MFSD12: variants seen among roughly 807,000 people sequenced by gnomAD.
The protein encoded by MFSD12 is major facilitator superfamily domain containing 12, also known as major facilitator superfamily domain-containing protein 12.
In MFSD12, 67 loss-of-function variants were observed where a neutral mutation model predicts 51.2. The observed-to-expected ratio is 1.31, with a 90% CI of 1.08 to 1.60. The LOEUF is 1.60. MFSD12 is among the 40% of genes most tolerant of loss of function. MFSD12 has a pLI of 0.00. For missense variants in MFSD12, 921 were observed against 673.0 expected, an observed-to-expected ratio of 1.37 and a Z score of -4.08; for synonymous variants, 441 against 316.7, an observed-to-expected ratio of 1.39 and a Z score of -4.17.
chr19:3,540,655 G>A (rs1343555316), downstream of MFSD12, among the ~76,000 whole-genome samples: 2 of 151,314 alleles, frequency 1.3e-5, no homozygotes, highest in South Asian at 2.1e-4. Context: ...CGAGGCAGGC[G>A]GATCACCTGA....
chr19:3,549,744 C>G (rs1481113191), intron 2 of MFSD12, among the ~76,000 whole-genome samples: 2 of 138,930 alleles, frequency 1.4e-5, no homozygotes, highest in African/African-American at 2.7e-5. Flanking sequence ...AAAAAAAAAG[C>G]CAGGCACAGT....
Position 3,547,548 on chromosome 19 carries a change from C to G in MFSD12, c.838-1G>C. The stretch of plus-strand genomic sequence containing the variant: ...TGGTGGTCATGTACAGTATGCCCAC[C>G]TGTGGGCAGACCGACAGAGGGACTG... On this transcript the variant is annotated splice_acceptor_variant, in intron 4 of 9. Transcript: ENST00000355415. LOFTEE classifies it high-confidence loss of function. 3 of 1,607,228 alleles carry G rather than the reference C, an allele frequency of 1.9e-6. No individual in the cohort carries two copies. The highest frequency in any genetic ancestry group is 2.5e-6 in the Non-Finnish European group (3 of 1,176,614).
chr19:3,556,843 CACAG>C (rs1040185736), intron 1 of MFSD12, among the ~76,000 whole-genome samples: 9 of 143,648 alleles, frequency 6.3e-5, no homozygotes, highest in South Asian at 2.3e-4. Context: ...AGGCCATGGG[CACAG>C]ACAGACAGAC....
Position 3,544,844 on chromosome 19 carries a change from C to T in MFSD12, c.1385G>A (p.Cys462Tyr), listed in dbSNP as rs771598438. 2 of 1,612,504 alleles carry T rather than the reference C, an allele frequency of 1.2e-6. No homozygotes were observed. Among genetic ancestry groups the T allele is most frequent in the Admixed American group, 1.7e-5 (1 of 59,976 alleles). ...GVGVAAALCL[C>Y]SLLLWPTRLR... ...GCGGGTCGGCCACAGCAGGAGGCTA[C>T]AGAGACACAGGGCAGCGGCCACGCC... Residue 462 changes from cysteine (C) to tyrosine (Y), a missense_variant, in exon 9 of 10, where the codon TGT (cysteine) becomes TAT (tyrosine). Physicochemically the swap from Cys to Tyr is radical, Grantham distance 194. Transcript: ENST00000355415.
At chr19:3,548,398 G>C (rs2031256080) in intron 2 of MFSD12, 131 bp from the exon 3 acceptor site, 1 of 1,249,012 alleles carries the variant, frequency 8.0e-7, no homozygotes, top group Non-Finnish European at 1.1e-6. Context: ...TGCCACACTG[G>C]GTGGCCTCCA....
chr19:3,545,134 C>T (rs1189064387), intron 8 of MFSD12, among the ~76,000 whole-genome samples, 195 bp from the exon 9 acceptor site: 4 of 152,196 alleles, frequency 2.6e-5, no homozygotes, highest in Middle Eastern at 3.2e-3. Context: ...TTCCAGCATC[C>T]ATGCCAAATC....
downstream of MFSD12, chr19:3,543,999 A>G: frequency 1.3e-6 from 2 of 1,535,132 alleles, no homozygotes; most frequent in South Asian, 1.2e-5. Flanking sequence ...CCTCACACCC[A>G]CTCCCCGATA....
intron 4 of MFSD12, 105 bp downstream of exon 4, chr19:3,547,743 C>T (rs2031192335): frequency 1.5e-6 from 2 of 1,368,462 alleles, no homozygotes; most frequent in South Asian, 3.0e-5. Context: ...TGGGCTGCAC[C>T]AGGGGCCACG....
rs757805490 is a variant in MFSD12, at chr19:3,548,178, G to A, written c.599C>T (p.Thr200Ile). ...HLQGSSRVEPTQDISISDQLG... is the reference protein window; with the variant it reads ...HLQGSSRVEPIQDISISDQLG... ...CTGGTCGCTGATGCTGATGTCTTGGGTGGGCTCCACCCGCGACGAGCCCTG... is the reference window on the plus strand; with the variant it reads ...CTGGTCGCTGATGCTGATGTCTTGGATGGGCTCCACCCGCGACGAGCCCTG... The change falls in exon 3 of 10, where the codon ACC becomes ATC. Residue 200 changes from threonine (T) to isoleucine (I), a missense_variant. Physicochemically the swap from Thr to Ile is moderately conservative, Grantham distance 89. Coordinates refer to ENST00000355415, the MANE Select transcript of MFSD12 (RefSeq NM_174983.5). 8.2e-6 allele frequency: 13 copies of A among 1,593,848 alleles called. No individual in the cohort carries two copies. The highest frequency in any genetic ancestry group is 1.7e-4 in the Middle Eastern group (1 of 6,026).
chr19:3,543,344 A>T (rs141517271), downstream of MFSD12: 343 of 1,549,502 alleles, frequency 2.2e-4, 5 homozygotes, highest in East Asian at 8.3e-3. Flanking sequence ...GCTGTGGTAC[A>T]CAGGCCTGAC....
Position 3,551,095 on chromosome 19 carries a change from G to A in MFSD12, c.398C>T (p.Pro133Leu), listed in dbSNP as rs564508057. Residue 133 changes from proline (P) to leucine (L), a missense_variant, in exon 2 of 10, where the codon CCG becomes CTG. Coordinates refer to ENST00000355415, the MANE Select transcript of MFSD12 (RefSeq NM_174983.5). The surrounding 1 kb of genome is among the most constrained non-coding windows in gnomAD (Gnocchi z 4.6). ...PEWAALLYYG[P>L]FIVIFQFGWA... ...GCCAAACTGGAAGATCACGATGAAC[G>A]GGCCGTAGTAGAGGAGGGCAGCCCA... 31 of 1,612,996 alleles carry A rather than the reference G, an allele frequency of 1.9e-5. No individual in the cohort carries two copies. Among genetic ancestry groups the A allele is most frequent in the African/African-American group, 5.3e-5 (4 of 74,938 alleles).
Position 3,546,311 on chromosome 19 carries a change from C to A in MFSD12, c.1138G>T (p.Ala380Ser). The A allele has an allele frequency of 1.2e-6, 2 of 1,609,436 alleles. No homozygotes were observed. Among genetic ancestry groups the A allele is most frequent in the Non-Finnish European group, 1.7e-6 (2 of 1,178,722 alleles). The change falls in exon 7 of 10, where the codon GCC becomes TCC. Residue 380 changes from alanine to serine, a missense_variant. Coordinates refer to ENST00000355415, the MANE Select transcript of MFSD12 (RefSeq NM_174983.5). Reference sequence around the variant, plus strand: ...GCCAGCGAGGTGACGAGGATGGTGGCACAGCCAGCACCCAGCAGCACAGCC... The same window carrying A: ...GCCAGCGAGGTGACGAGGATGGTGGAACAGCCAGCACCCAGCAGCACAGCC... ...AAAVLLGAGC[A>S]TILVTSLAMT...
intron 1 of MFSD12, among the ~76,000 whole-genome samples, chr19:3,553,319 G>C (rs573170316): frequency 2.6e-5 from 4 of 152,160 alleles, no homozygotes; most frequent in African/African-American, 9.6e-5. Context: ...CAGAAAACAG[G>C]GATAGTGGCC....
Position 3,557,522 on chromosome 19 carries a change from G to C in MFSD12, c.-119C>G, listed in dbSNP as rs2031799648. On this transcript the variant is annotated 5_prime_UTR_variant, in exon 1 of 10. Coordinates refer to ENST00000355415, the MANE Select transcript of MFSD12 (RefSeq NM_174983.5). ...CCCCACCACGCGCCGGGCACCCCGC[G>C]TCCCGCTCTCTTACGGCCGCGCCCT... 3 of 566,932 alleles carry C rather than the reference G, an allele frequency of 5.3e-6. No homozygotes were observed. The South Asian group carries it at 2.5e-4, about 48-fold the overall frequency. The allele number at this position is 566,932 out of a possible 1,614,324, so 35.1% of individuals were successfully genotyped here.
At chr19:3,556,393 A>T (rs374688784) in intron 1 of MFSD12, among the ~76,000 whole-genome samples, 77 of 152,372 alleles carry the variant, frequency 5.1e-4, no homozygotes, top group African/African-American at 1.6e-3. Flanking sequence ...TCAGATGGTG[A>T]GGGCCCCGCA....
intron 6 of MFSD12, among the ~76,000 whole-genome samples, chr19:3,546,841 T>C (rs1049949808): frequency 6.6e-6 from 1 of 151,772 alleles, no homozygotes; most frequent in Admixed American, 6.6e-5. Context: ...TCTGGGGCTT[T>C]TTTTTTCTGG....
rs190163747 is a variant in MFSD12 at position 3,544,549 on chromosome 19, C to G, written c.*161G>C. On this transcript the variant is annotated 3_prime_UTR_variant, in exon 10 of 10. Transcript: ENST00000355415. ...CCTTGCAAGTCCCTGGCGGGCATCC[C>G]TGCTGCCCTCACCCGACCCCACCCC... The G allele has an allele frequency of 3.5e-6, 5 of 1,428,692 alleles. No individual in the cohort carries two copies. Among genetic ancestry groups the G allele is most frequent in the Admixed American group, 2.8e-5 (1 of 35,200 alleles). The allele number at this position is 1,428,692 out of a possible 1,614,324, so 88.5% of individuals were successfully genotyped here. A position where few individuals can be genotyped will look rare whatever the true frequency, so the allele number is the denominator to read the frequency against.
At chr19:3,542,945 C>T, downstream of MFSD12, 1 of 1,495,936 alleles carries the variant, frequency 6.7e-7, no homozygotes, top group East Asian at 3.0e-5. Context: ...GGGCCCTTGT[C>T]CTCTCCCCTC....
chr19:3,543,750 G>GC (rs2030668640), downstream of MFSD12: 1 of 1,491,486 alleles, frequency 6.7e-7, no homozygotes, highest in Non-Finnish European at 9.0e-7. Context: ...GGGTGAAACT[G>GC]CCCGGGGCGA....
Sources: gnomAD v4.1 joint callset for allele counts (sites outside exome capture counted in the v4.1 genomes callset) on GRCh38, gnomAD v4.1.1 for gene constraint, Gnocchi (gnomAD v3.1) non-coding constraint, MANE v1.5 for transcripts, NCBI Gene and HGNC (gene_info 2026-07-23, HGNC 2026-07-21) for gene names.